The following LRRTM4 variants were observed in gnomAD, a reference collection of about 807,000 sequenced individuals.
The protein encoded by LRRTM4 is leucine rich repeat transmembrane neuronal 4.
LRRTM4 carries 25 observed loss-of-function variants against 47.6 expected under a neutral mutation model. The observed-to-expected ratio is 0.53, with a 90% CI of 0.38 to 0.73. The LOEUF (loss-of-function observed/expected upper bound fraction) is 0.73, where lower values mean the gene tolerates loss of function less well. Ranked by LOEUF, LRRTM4 falls within the 30% of genes least tolerant of loss-of-function variation. The pLI, the probability that LRRTM4 is intolerant of heterozygous loss-of-function variation, is 0.00. For synonymous variants in LRRTM4, 311 were observed against 269.5 expected, an observed-to-expected ratio of 1.15 and a Z score of -1.51; for missense variants, 638 against 713.4, an observed-to-expected ratio of 0.89 and a Z score of 1.20.
At chr2:76,936,657 A>T (rs564695746) in intron 3 of LRRTM4, among the ~76,000 whole-genome samples, 23 of 151,516 alleles carry the variant, frequency 1.5e-4, no homozygotes, top group African/African-American at 5.3e-4. Flanking sequence ...CAAGTTTCTC[A>T]TTCAAAGATC....
chr2:77,002,140 T>C lies in LRRTM4; in HGVS notation c.1552-253224A>G, dbSNP rs557607192. On this transcript the variant is annotated intron_variant, in intron 3 of 3. Transcript: ENST00000409884. ...TCTGTATTATTCTCAAATAATATTG[T>C]GAGTCCCCTGTTTTCAAATGTATAC... is the stretch of plus-strand genomic sequence containing the variant. Among the ~76,000 whole-genome samples the C allele has an allele frequency of 7.2e-5, 11 of 152,294 alleles. 1 individual carries two copies. The East Asian group carries it at 1.9e-3, about 27-fold the overall frequency.
rs531474310 is a variant in LRRTM4 at position 77,497,716 on chromosome 2, C to T, written c.1551+20602G>A. ...ACATTATGTAATTATAATATATAAT[C>T]TTATTTATCCTATATAATAGTATAT... is the stretch of plus-strand genomic sequence containing the variant. On this transcript the variant is annotated intron_variant, in intron 3 of 3. Transcript: ENST00000409884. 2.7e-5 allele frequency among the ~76,000 whole-genome samples: 4 copies of T among 150,526 alleles called. No individual in the cohort carries two copies. In the South Asian group the frequency reaches 8.3e-4, roughly 31 times the overall value.
chr2:77,367,068 A>G (rs1237730792), intron 3 of LRRTM4, among the ~76,000 whole-genome samples: 2 of 151,664 alleles, frequency 1.3e-5, no homozygotes, highest in Non-Finnish European at 2.9e-5. Context: ...CTATTTGTCA[A>G]TCTCTCATAT....
chr2:77,018,210 TTTTCAAAAGTACATTTCAC>T (rs1211851234), intron 3 of LRRTM4, among the ~76,000 whole-genome samples: 1 of 149,546 alleles, frequency 6.7e-6, no homozygotes, highest in Admixed American at 6.6e-5. Flanking sequence ...TTTGTTTTTT[TTTTCAAAAGTACATTTCAC>T]TTAACCATGT....
At chr2:76,834,298 G>A (rs964811441) in intron 3 of LRRTM4, among the ~76,000 whole-genome samples, 4 of 151,106 alleles carry the variant, frequency 2.6e-5, no homozygotes, top group Non-Finnish European at 5.9e-5. Context: ...TGATCTGCCT[G>A]CCTCGTCCTC....
chr2:77,141,387 T>C (rs1672117048), intron 3 of LRRTM4, among the ~76,000 whole-genome samples: 1 of 147,634 alleles, frequency 6.8e-6, no homozygotes, highest in Admixed American at 7.0e-5. Context: ...AACCAAACAC[T>C]GCGTGTTCTC....
chr2:77,084,807 G>A (rs1393339343), intron 3 of LRRTM4, among the ~76,000 whole-genome samples: 4 of 152,166 alleles, frequency 2.6e-5, no homozygotes, highest in Non-Finnish European at 5.9e-5. Context: ...AGATATACAT[G>A]AAGTACTAAC....
intron 3 of LRRTM4, among the ~76,000 whole-genome samples, chr2:77,294,534 A>G (rs1676916243): frequency 1.3e-5 from 2 of 152,098 alleles, no homozygotes; most frequent in Admixed American, 6.6e-5. Context: ...GTTTAAAGAC[A>G]GTCTTACATA....
chr2:76,784,289 C>T (rs1416477594), intron 3 of LRRTM4, among the ~76,000 whole-genome samples: 5 of 151,890 alleles, frequency 3.3e-5, no homozygotes, highest in African/African-American at 9.7e-5. Flanking sequence ...TAATCCTATG[C>T]ATACTTTGAA....
intron 3 of LRRTM4, among the ~76,000 whole-genome samples, chr2:77,239,537 C>T (rs1250452451): frequency 1.3e-5 from 2 of 151,750 alleles, no homozygotes; most frequent in African/African-American, 4.8e-5. Context: ...ATGCTGTCCA[C>T]AGAAAGTTGT....
intron 3 of LRRTM4, among the ~76,000 whole-genome samples, chr2:77,031,189 T>C (rs1678642360): frequency 6.6e-6 from 1 of 152,182 alleles, no homozygotes; most frequent in Non-Finnish European, 1.5e-5. Flanking sequence ...ATTTTAACTA[T>C]TGTTTGTTTA....
chr2:77,018,203 G>GTT (rs199695699), intron 3 of LRRTM4, among the ~76,000 whole-genome samples: 1 of 67,722 alleles, frequency 1.5e-5, no homozygotes, highest in African/African-American at 5.2e-5. Flanking sequence ...AATTTTTTTT[G>GTT]TTTTTTTTTT....
At chr2:77,169,571 G>T (rs547050966) in intron 3 of LRRTM4, among the ~76,000 whole-genome samples, 2 of 151,770 alleles carry the variant, frequency 1.3e-5, no homozygotes, top group South Asian at 4.1e-4. Context: ...CCTCTCCTGA[G>T]ACTGGGTTAA....
chr2:77,161,814 C>T (rs1231148153), intron 3 of LRRTM4, among the ~76,000 whole-genome samples: 2 of 152,036 alleles, frequency 1.3e-5, no homozygotes, highest in Admixed American at 1.3e-4. Context: ...TATTATTTCA[C>T]TGAGTTCCAA....
intron 3 of LRRTM4, among the ~76,000 whole-genome samples, chr2:76,875,487 A>C (rs779966659): frequency 1.5e-4 from 23 of 152,236 alleles, no homozygotes; most frequent in Admixed American, 3.3e-4. Flanking sequence ...GGTTGTTGGA[A>C]AAATGAATGA....
At chr2:77,455,596 T>A (rs1225038834) in intron 3 of LRRTM4, among the ~76,000 whole-genome samples, 1 of 151,936 alleles carries the variant, frequency 6.6e-6, no homozygotes, top group Non-Finnish European at 1.5e-5. Flanking sequence ...TCAAACCTCT[T>A]CTTTTCTCTC....
chr2:77,410,050 A>G (rs186878975), intron 3 of LRRTM4, among the ~76,000 whole-genome samples: 1 of 152,336 alleles, frequency 6.6e-6, no homozygotes, highest in East Asian at 1.9e-4. Flanking sequence ...TTTTCTTTAT[A>G]TATATATAAT....
intron 3 of LRRTM4, among the ~76,000 whole-genome samples, chr2:76,795,833 C>T (rs1024479908): frequency 1.3e-5 from 2 of 152,064 alleles, no homozygotes; most frequent in Non-Finnish European, 2.9e-5. Context: ...CAAATAGGAA[C>T]AGCTCCTGTC....
chr2:77,086,472 A>G (rs1199009226), intron 3 of LRRTM4, among the ~76,000 whole-genome samples: 1 of 146,148 alleles, frequency 6.8e-6, no homozygotes, highest in African/African-American at 2.6e-5. Flanking sequence ...GGTTACATAT[A>G]ATAATTTTTT....
Sources: allele counts gnomAD v4.1 joint callset (sites outside exome capture counted in the v4.1 genomes callset), GRCh38; gene constraint gnomAD v4.1.1; transcripts MANE v1.5; gene names NCBI Gene and HGNC (gene_info 2026-07-23, HGNC 2026-07-21).